Variants in FIG4 observed in about 807,000 individuals in gnomAD.
FIG4 encodes polyphosphoinositide phosphatase.
FIG4 carries 112 observed loss-of-function variants against 118.6 expected under a neutral mutation model. The observed-to-expected ratio is 0.94, with a 90% CI of 0.81 to 1.11. The LOEUF (loss-of-function observed/expected upper bound fraction) is 1.11. Among genes scored for constraint, FIG4 ranks in the 50% least tolerant of loss-of-function variants. FIG4 has a pLI of 0.00. For missense variants in FIG4, 969 were observed against 1,111.7 expected (o/e 0.87, Z 1.83); for synonymous variants, 369 against 381.2 (o/e 0.97, Z 0.37).
At chr6:109,717,193 G>A (rs760281227) in intron 3 of FIG4, among the ~76,000 whole-genome samples, 1 of 152,064 alleles carries the variant, frequency 6.6e-6, no homozygotes, top group Non-Finnish European at 1.5e-5. Flanking sequence ...CTTCAGAGAC[G>A]AGGTTTCTGA....
intron 1 of FIG4, among the ~76,000 whole-genome samples, chr6:109,694,273 T>G (rs1392529915): frequency 2.6e-5 from 4 of 152,164 alleles, no homozygotes; most frequent in Non-Finnish European, 4.4e-5. Context: ...TCCCACAAGC[T>G]TAGCGTTCCA....
At chr6:109,825,014 C>A in intron 22 of FIG4, 74 bp from the exon 23 acceptor site, 2 of 1,405,556 alleles carry the variant, frequency 1.4e-6, no homozygotes, top group Non-Finnish European at 2.0e-6. Context: ...CTCTCAAGTG[C>A]TTCTGAGACT....
intron 3 of FIG4, among the ~76,000 whole-genome samples, chr6:109,721,263 T>C (rs1462450882): frequency 6.6e-6 from 1 of 152,164 alleles, no homozygotes; most frequent in Non-Finnish European, 1.5e-5. Flanking sequence ...GATTTGGTAG[T>C]AGAGATGTCA....
intron 20 of FIG4, among the ~76,000 whole-genome samples, chr6:109,792,069 G>A (rs138363714): frequency 7.9e-4 from 121 of 152,310 alleles, no homozygotes; most frequent in African/African-American, 2.7e-3. Context: ...AATGGATAAG[G>A]CAAATAAAAA....
rs1127771 is a variant in FIG4, at chr6:109,825,100, G to A, written c.2559G>A (p.Ser853=). The A allele has an allele frequency of 0.42, 669,688 of 1,611,466 alleles. 144,488 individuals carry two copies. Among genetic ancestry groups the A allele is most frequent in the East Asian group, 0.57 (25,522 of 44,844 alleles). The part of the protein sequence containing the change: ...SDGVIKLTPI[S]AFSQDNIYEV... Reference sequence around the variant, plus strand: ...TCATCTTTTATAGAACACCCATCTCGGCTTTCTCGCAAGATAACATCTATG... The same window carrying A: ...TCATCTTTTATAGAACACCCATCTCAGCTTTCTCGCAAGATAACATCTATG... The change falls in exon 23 of 23, where the codon TCG becomes TCA. Residue 853 remains serine (S), a synonymous_variant. Coordinates refer to ENST00000230124, the MANE Select transcript of FIG4 (RefSeq NM_014845.6).
chr6:109,713,502 CA>C (rs1457216262), intron 1 of FIG4, among the ~76,000 whole-genome samples: 1 of 152,128 alleles, frequency 6.6e-6, no homozygotes, highest in African/African-American at 2.4e-5. Context: ...AGCATTGGCA[CA>C]GGGGTGGGAT....
At chr6:109,710,536 G>T (rs764613249) in intron 1 of FIG4, among the ~76,000 whole-genome samples, 1 of 152,152 alleles carries the variant, frequency 6.6e-6, no homozygotes, top group Non-Finnish European at 1.5e-5. Context: ...AATGGTACTA[G>T]TTCTTCTTTG....
chr6:109,715,834 A>G (rs1362399249), intron 2 of FIG4, among the ~76,000 whole-genome samples: 2 of 152,218 alleles, frequency 1.3e-5, no homozygotes, highest in Non-Finnish European at 1.5e-5. Context: ...TTCGGAATCC[A>G]TAAAGATTCC....
At chr6:109,744,113 T>G (rs971154423) in intron 10 of FIG4, among the ~76,000 whole-genome samples, 5 of 152,082 alleles carry the variant, frequency 3.3e-5, no homozygotes, top group African/African-American at 1.2e-4. Context: ...GAAAGAAGCA[T>G]GAAATCAAAC....
chr6:109,754,477 C>G (rs1291622779), intron 10 of FIG4, among the ~76,000 whole-genome samples: 10 of 152,168 alleles, frequency 6.6e-5, no homozygotes, highest in Admixed American at 6.5e-4. Context: ...GGAGGATTAC[C>G]TCTTTTTCTA....
chr6:109,778,104 C>A (rs1207689449), intron 16 of FIG4, among the ~76,000 whole-genome samples: 2 of 152,110 alleles, frequency 1.3e-5, no homozygotes, highest in African/African-American at 4.8e-5. Context: ...CCTCTAATGT[C>A]AAGTTCTCCC....
chr6:109,789,627 A>G lies in FIG4; in HGVS notation c.2130A>G (p.Pro710=). 6.2e-7 allele frequency: 1 copy of G among 1,613,706 alleles called. No individual in the cohort carries two copies. ...DFMPKTVGID[P]SPFTVRKPDE... ...TGCCTAAGACCGTTGGAATTGATCC[A>G]AGTCCATTTACTGTGCGTAAACCAG... The change falls in exon 19 of 23, where the codon CCA becomes CCG. Residue 710 remains proline, a synonymous_variant. Coordinates refer to ENST00000230124, the MANE Select transcript of FIG4 (RefSeq NM_014845.6).
intron 8 of FIG4, among the ~76,000 whole-genome samples, chr6:109,742,258 G>A (rs1371890334): frequency 1.3e-5 from 2 of 152,054 alleles, no homozygotes; most frequent in Admixed American, 6.6e-5. Flanking sequence ...ATAAGAAGAC[G>A]AAGTGGAGCA....
rs1462885763 is a variant in FIG4, at chr6:109,796,704, C to G, written c.2460-61C>G. 9.6e-6 allele frequency: 9 copies of G among 942,182 alleles called. No individual in the cohort carries two copies. The East Asian group carries it at 2.2e-4, about 23-fold the overall frequency. The allele number at this position is 942,182 out of a possible 1,614,324, so 58.4% of individuals were successfully genotyped here. ...GAAAGCTTACACCATTTTGTGTGATCTACTGAATTAATTGCAAGTACTCCC... is the reference window on the plus strand; with the variant it reads ...GAAAGCTTACACCATTTTGTGTGATGTACTGAATTAATTGCAAGTACTCCC... On this transcript the variant is annotated intron_variant, in intron 21 of 22. Coordinates refer to ENST00000230124, the MANE Select transcript of FIG4 (RefSeq NM_014845.6).
At position 109,738,329 on chromosome 6, in the gene FIG4, A is replaced by G. The variant is rs753017446; in HGVS notation, c.651A>G (p.Val217=). The part of the protein sequence containing the change: ...EGLITQGGSG[V]FGICSEPYMK... ...ATACAGACTTTTATTTTTCAGGGGT[A>G]TTTGGGATCTGTAGTGAGCCTTATA... The change falls in exon 7 of 23, where the codon GTA becomes GTG. Residue 217 remains valine (V), a synonymous_variant. Coordinates refer to ENST00000230124, the MANE Select transcript of FIG4 (RefSeq NM_014845.6). 6.2e-7 allele frequency: 1 copy of G among 1,603,632 alleles called. No individual in the cohort carries two copies. The highest frequency in any genetic ancestry group is 1.7e-5 in the Admixed American group (1 of 59,894).
At chr6:109,739,470 C>G (rs1459183864) in intron 7 of FIG4, among the ~76,000 whole-genome samples, 1 of 152,082 alleles carries the variant, frequency 6.6e-6, no homozygotes, top group Non-Finnish European at 1.5e-5. Flanking sequence ...ATTTTCCCCC[C>G]ACAGATAAGA....
intron 22 of FIG4, among the ~76,000 whole-genome samples, chr6:109,823,691 G>A (rs1032300449): frequency 6.6e-6 from 1 of 152,070 alleles, no homozygotes; most frequent in East Asian, 1.9e-4. Context: ...TGACTACAGG[G>A]AATCTCCACA....
At chr6:109,794,124 A>C (rs1778212201) in intron 21 of FIG4, among the ~76,000 whole-genome samples, 1 of 152,276 alleles carries the variant, frequency 6.6e-6, no homozygotes, top group South Asian at 2.1e-4. Flanking sequence ...CCCATGTCCT[A>C]GAATAAAATT....
intron 15 of FIG4, 136 bp from the exon 16 acceptor site, chr6:109,776,786 T>C: frequency 1.4e-6 from 1 of 703,050 alleles, no homozygotes; most frequent in South Asian, 1.7e-5. Context: ...TATGTGTGTG[T>C]GTATGAAGTA....
Sources: gnomAD v4.1 joint callset for allele counts (sites outside exome capture counted in the v4.1 genomes callset) on GRCh38, gnomAD v4.1.1 for gene constraint, MANE v1.5 for transcripts, NCBI Gene and HGNC (gene_info 2026-07-23, HGNC 2026-07-21) for gene names.